Variants in KCNK13 observed in about 807,000 individuals in gnomAD.
KCNK13 encodes the protein potassium two pore domain channel subfamily K member 13.
KCNK13 carries 12 observed loss-of-function variants against 23.4 expected under a neutral mutation model. The observed-to-expected ratio is 0.51, with a 90% CI of 0.33 to 0.83. KCNK13 has a LOEUF of 0.83. Ranked by LOEUF, KCNK13 falls within the 40% of genes least tolerant of loss-of-function variation. The probability of loss-of-function intolerance (pLI) is 0.02; values close to 1 mark genes in which losing one functional copy is unlikely to be tolerated. For synonymous variants in KCNK13, 231 were observed against 229.5 expected, an observed-to-expected ratio of 1.01 and a Z score of -0.06; for missense variants, 463 against 556.3, an observed-to-expected ratio of 0.83 and a Z score of 1.69.
intron 1 of KCNK13, among the ~76,000 whole-genome samples, chr14:90,176,508 C>CA (rs879445217): frequency 2.0e-3 from 290 of 142,916 alleles, no homozygotes; most frequent in African/African-American, 3.1e-3. Flanking sequence ...GGCTTTTTAC[C>CA]AAAAAAAAAA....
intron 1 of KCNK13, among the ~76,000 whole-genome samples, chr14:90,080,496 AAGTATGACGCTCAG>A (rs1889195112): frequency 6.6e-6 from 1 of 151,976 alleles, no homozygotes; most frequent in Non-Finnish European, 1.5e-5. Context: ...GGAAAAAAAG[AAGTATGACGCTCAG>A]GAAAGAGGTT....
At chr14:90,104,065 G>A (rs1034646277) in intron 1 of KCNK13, among the ~76,000 whole-genome samples, 14 of 152,144 alleles carry the variant, frequency 9.2e-5, no homozygotes, top group African/African-American at 2.9e-4. Context: ...CTGTTGGGCA[G>A]GAGTCAACTT....
intron 1 of KCNK13, chr14:90,177,350 T>C (rs1890434013): frequency 6.6e-6 from 1 of 152,156 alleles, no homozygotes; most frequent in Admixed American, 6.5e-5. Flanking sequence ...TAATGAAAGA[T>C]AAAACATTAG....
intron 1 of KCNK13, among the ~76,000 whole-genome samples, chr14:90,095,002 A>G (rs548987105): frequency 6.6e-6 from 1 of 152,292 alleles, no homozygotes; most frequent in South Asian, 2.1e-4. Context: ...GTTTGTCCCA[A>G]ATTGTTTTTA....
intron 1 of KCNK13, among the ~76,000 whole-genome samples, chr14:90,084,653 C>G (rs4900020): frequency 6.6e-6 from 1 of 152,204 alleles, no homozygotes; most frequent in Non-Finnish European, 1.5e-5. Context: ...GACTAGAACT[C>G]CCACTGCAAT....
At chr14:90,143,477 G>A (rs1024722611) in intron 1 of KCNK13, among the ~76,000 whole-genome samples, 3 of 152,024 alleles carry the variant, frequency 2.0e-5, no homozygotes, top group East Asian at 1.9e-4. Flanking sequence ...AGTTGACCAC[G>A]TATGTGTGGG....
intron 1 of KCNK13, among the ~76,000 whole-genome samples, chr14:90,152,325 C>T (rs1410310674): frequency 3.3e-5 from 5 of 152,172 alleles, no homozygotes; most frequent in Admixed American, 6.5e-5. Context: ...CACCTGAGGT[C>T]GGGAGTTCCA....
chr14:90,109,116 G>A (rs1405147362), intron 1 of KCNK13, among the ~76,000 whole-genome samples: 5 of 151,618 alleles, frequency 3.3e-5, no homozygotes, highest in Admixed American at 2.6e-4. Context: ...GGCGGAGCTT[G>A]CAGTGAGCCG....
chr14:90,109,133 C>T (rs965760669), intron 1 of KCNK13, among the ~76,000 whole-genome samples: 13 of 150,774 alleles, frequency 8.6e-5, no homozygotes, highest in Admixed American at 4.0e-4. Flanking sequence ...GCCGAGGTTG[C>T]GCCACTGCTC....
chr14:90,095,043 T>G (rs188915791), intron 1 of KCNK13, among the ~76,000 whole-genome samples: 7 of 152,324 alleles, frequency 4.6e-5, no homozygotes, highest in African/African-American at 1.7e-4. Flanking sequence ...GCATTTAAAA[T>G]AAATGGATTA....
intron 1 of KCNK13, among the ~76,000 whole-genome samples, chr14:90,136,513 TA>T (rs113562814): frequency 0.13 from 19,523 of 145,024 alleles, 1,529 homozygotes; most frequent in Admixed American, 0.29. Context: ...AGGAGGGAAT[TA>T]AAAAAAAAAA....
chr14:90,178,278 A>ATTATTTTTATTTT (rs1011135223), intron 1 of KCNK13, among the ~76,000 whole-genome samples: 1 of 137,532 alleles, frequency 7.3e-6, no homozygotes, highest in South Asian at 2.3e-4. Context: ...TGTGATTATT[A>ATTATTTTTATTTT]TTATTTTTAT....
intron 1 of KCNK13, among the ~76,000 whole-genome samples, chr14:90,101,905 C>T (rs1815492): frequency 0.25 from 37,175 of 148,808 alleles, 5,051 homozygotes; most frequent in East Asian, 0.34. Context: ...TTTTTTTAAA[C>T]GGAGTTTTGC....
intron 1 of KCNK13, among the ~76,000 whole-genome samples, chr14:90,127,499 T>C (rs1268673032): frequency 6.9e-6 from 1 of 143,906 alleles, no homozygotes; most frequent in Non-Finnish European, 1.5e-5. Flanking sequence ...TCACATACAA[T>C]TCATTCATCA....
At chr14:90,133,854 C>G (rs3908013) in intron 1 of KCNK13, among the ~76,000 whole-genome samples, 15,049 of 152,228 alleles carry the variant, frequency 0.099, 1,059 homozygotes, top group Admixed American at 0.25. Context: ...AACAGCTCCT[C>G]TAGAGAGCTT....
At chr14:90,067,034 G>A (rs542888334) in intron 1 of KCNK13, among the ~76,000 whole-genome samples, 1 of 152,368 alleles carries the variant, frequency 6.6e-6, no homozygotes, top group African/African-American at 2.4e-5. Flanking sequence ...ACTTTGGGAG[G>A]CCAAGGCAGG....
At chr14:90,135,295 A>G (rs528406914) in intron 1 of KCNK13, among the ~76,000 whole-genome samples, 56 of 152,326 alleles carry the variant, frequency 3.7e-4, no homozygotes, top group African/African-American at 1.3e-3. Flanking sequence ...GCTGCCGTCA[A>G]GCGTCTCCTT....
chr14:90,062,136 C>T lies in KCNK13; in HGVS notation c.-70C>T. On this transcript the variant is annotated 5_prime_UTR_variant, in exon 1 of 2. Coordinates refer to ENST00000282146, the MANE Select transcript of KCNK13 (RefSeq NM_022054.4). The surrounding 1 kb of genome is among the most constrained non-coding windows in gnomAD (Gnocchi z 4.5). ...GCTGAGCGCCGGGGCCCTTATTTCC[C>T]GGGGGTGTGGGCGAGACTCCGCCGA... 1 of 1,052,164 alleles carries T rather than the reference C, an allele frequency of 9.5e-7. No individual in the cohort carries two copies. The highest frequency in any genetic ancestry group is 1.3e-6 in the Non-Finnish European group (1 of 799,374). 65.2% of individuals were successfully genotyped at this position (1,052,164 alleles called of 1,614,324 possible). A position where few individuals can be genotyped will look rare whatever the true frequency, so the allele number is the denominator to read the frequency against.
At chr14:90,177,744 G>A (rs1217178817) in intron 1 of KCNK13, among the ~76,000 whole-genome samples, 2 of 152,084 alleles carry the variant, frequency 1.3e-5, no homozygotes, top group African/African-American at 4.8e-5. Flanking sequence ...GAAGGAGTCG[G>A]TCTTGATTCA....
Sources: gnomAD v4.1 joint callset for allele counts (sites outside exome capture counted in the v4.1 genomes callset) on GRCh38, gnomAD v4.1.1 for gene constraint, Gnocchi (gnomAD v3.1) non-coding constraint, MANE v1.5 for transcripts, NCBI Gene and HGNC (gene_info 2026-07-23, HGNC 2026-07-21) for gene names.